CYP39A1: variants seen among roughly 807,000 people sequenced by gnomAD.
The protein encoded by CYP39A1 is cytochrome P450 family 39 subfamily A member 1.
A neutral mutation model predicts 58.1 loss-of-function variants in CYP39A1; 49 were observed. The ratio of observed to expected loss-of-function variants is 0.84; its 90% CI spans 0.67 to 1.07. The LOEUF (loss-of-function observed/expected upper bound fraction) is 1.07, where lower values mean the gene tolerates loss of function less well. Ranked by LOEUF, CYP39A1 falls within the 50% of genes least tolerant of loss-of-function variation. The pLI is 0.00. For missense variants in CYP39A1, 531 were observed against 539.4 expected (o/e 0.98, Z 0.16); for synonymous variants, 209 against 187.6 (o/e 1.11, Z -0.93).
intron 5 of CYP39A1, among the ~76,000 whole-genome samples, chr6:46,632,767 C>T (rs1349872136): frequency 1.3e-5 from 2 of 151,998 alleles, no homozygotes; most frequent in African/African-American, 4.8e-5. Flanking sequence ...GGATCCCAAC[C>T]CTGTGAGTCT....
chr6:46,600,551 G>A (rs1431817512), intron 7 of CYP39A1, among the ~76,000 whole-genome samples: 2 of 152,128 alleles, frequency 1.3e-5, no homozygotes, highest in Non-Finnish European at 2.9e-5. Flanking sequence ...AGCCTCTGGG[G>A]AAGGGAGGTG....
chr6:46,565,622 G>C (rs1771233976), intron 10 of CYP39A1, among the ~76,000 whole-genome samples: 1 of 152,146 alleles, frequency 6.6e-6, no homozygotes, highest in African/African-American at 2.4e-5. Context: ...GGACCCCCAG[G>C]ATGAAGGTCA....
At chr6:46,645,813 T>C (rs1404487824) in intron 1 of CYP39A1, among the ~76,000 whole-genome samples, 1 of 152,136 alleles carries the variant, frequency 6.6e-6, no homozygotes, top group African/African-American at 2.4e-5. Context: ...GTTTCTCCCT[T>C]AAGACCTTTG....
intron 10 of CYP39A1, among the ~76,000 whole-genome samples, chr6:46,555,485 A>T (rs972648433): frequency 2.0e-5 from 3 of 152,218 alleles, no homozygotes; most frequent in Admixed American, 6.5e-5. Flanking sequence ...ATGAATAGTG[A>T]TGGAAAGTGA....
intron 7 of CYP39A1, among the ~76,000 whole-genome samples, chr6:46,605,115 C>T (rs1302482658): frequency 3.9e-5 from 6 of 151,956 alleles, no homozygotes; most frequent in Admixed American, 1.3e-4. Context: ...ATGTGGCCTG[C>T]GGACCTCAGG....
intron 5 of CYP39A1, among the ~76,000 whole-genome samples, chr6:46,634,322 C>A (rs1191710796): frequency 6.6e-6 from 1 of 152,142 alleles, no homozygotes; most frequent in African/African-American, 2.4e-5. Context: ...GCCTCCCCAG[C>A]CATGTGGAAC....
At chr6:46,576,520 T>A (rs1771856945) in intron 10 of CYP39A1, among the ~76,000 whole-genome samples, 3 of 152,146 alleles carry the variant, frequency 2.0e-5, no homozygotes, top group Non-Finnish European at 4.4e-5. Flanking sequence ...AAATGACAGA[T>A]ATAGAATTCA....
chr6:46,615,193 G>A (rs932222503), intron 7 of CYP39A1, among the ~76,000 whole-genome samples: 3 of 151,806 alleles, frequency 2.0e-5, no homozygotes, highest in African/African-American at 4.8e-5. Flanking sequence ...AAATGGATAC[G>A]TATCAATATG....
intron 7 of CYP39A1, among the ~76,000 whole-genome samples, chr6:46,621,606 C>G (rs114055344): frequency 0.013 from 2,045 of 152,070 alleles, 39 homozygotes; most frequent in African/African-American, 0.047. Flanking sequence ...AAGTATAAAA[C>G]TGACTCAAGA....
intron 7 of CYP39A1, among the ~76,000 whole-genome samples, chr6:46,621,273 A>G (rs549515412): frequency 1.1e-4 from 16 of 152,264 alleles, no homozygotes; most frequent in Admixed American, 6.5e-5. Context: ...TCAAAGAACT[A>G]AGGAAATCTT....
intron 7 of CYP39A1, among the ~76,000 whole-genome samples, chr6:46,597,194 T>C (rs1254948069): frequency 6.6e-6 from 1 of 152,092 alleles, no homozygotes; most frequent in Non-Finnish European, 1.5e-5. Flanking sequence ...TAGGAACCTA[T>C]GAACTCCATT....
chr6:46,610,894 C>A (rs1279181116), intron 7 of CYP39A1, among the ~76,000 whole-genome samples: 2 of 152,092 alleles, frequency 1.3e-5, no homozygotes, highest in Non-Finnish European at 2.9e-5. Flanking sequence ...AGTCTGATTT[C>A]TTTATGCAAG....
At chr6:46,598,650 T>C (rs551124253) in intron 7 of CYP39A1, among the ~76,000 whole-genome samples, 4 of 152,206 alleles carry the variant, frequency 2.6e-5, no homozygotes, top group Admixed American at 1.3e-4. Flanking sequence ...ACAGATATCA[T>C]TGCTAAATCA....
At position 46,569,879 on chromosome 6, in the gene CYP39A1, T is replaced by C. The variant is rs531322079; in HGVS notation, c.1251-16025A>G. ...CTGACTTTTGTGTCAGGGTAATGCT[T>C]TGTAAAATGGGTTTGGAAGTGTTCT... On this transcript the variant is annotated intron_variant, in intron 10 of 11. Transcript: ENST00000275016. Among the ~76,000 whole-genome samples, 77 of 152,176 alleles carry C rather than the reference T, an allele frequency of 5.1e-4. 1 individual carries two copies. Among genetic ancestry groups the C allele is most frequent in the African/African-American group, 1.4e-3 (58 of 41,566 alleles).
intron 5 of CYP39A1, among the ~76,000 whole-genome samples, chr6:46,633,025 C>G (rs962862359): frequency 2.0e-5 from 3 of 152,118 alleles, no homozygotes; most frequent in Non-Finnish European, 4.4e-5. Context: ...ATTAACTACT[C>G]TAATCCCTAG....
At chr6:46,561,618 T>G (rs1286129953) in intron 10 of CYP39A1, among the ~76,000 whole-genome samples, 1 of 152,054 alleles carries the variant, frequency 6.6e-6, no homozygotes, top group African/African-American at 2.4e-5. Context: ...CATGTGACAG[T>G]GTTGGGACTT....
chr6:46,621,971 G>C (rs1398700881), intron 7 of CYP39A1, among the ~76,000 whole-genome samples: 1 of 152,044 alleles, frequency 6.6e-6, no homozygotes, highest in Non-Finnish European at 1.5e-5. Flanking sequence ...GGATTAAGCA[G>C]GATTTATTCC....
At chr6:46,551,165 A>T (rs569014419) in intron 11 of CYP39A1, among the ~76,000 whole-genome samples, 51 of 152,252 alleles carry the variant, frequency 3.3e-4, no homozygotes, top group South Asian at 8.3e-4. Context: ...GTCTATTTTC[A>T]AGTTTGAATG....
chr6:46,618,916 T>C (rs1375674635), intron 7 of CYP39A1, among the ~76,000 whole-genome samples: 1 of 152,040 alleles, frequency 6.6e-6, no homozygotes, highest in Non-Finnish European at 1.5e-5. Context: ...ACTACACCCT[T>C]CTATCTGGCC....
Sources: gnomAD v4.1 joint callset for allele counts (sites outside exome capture counted in the v4.1 genomes callset) on GRCh38, gnomAD v4.1.1 for gene constraint, MANE v1.5 for transcripts, NCBI Gene and HGNC (gene_info 2026-07-23, HGNC 2026-07-21) for gene names.